PHACTR2: variants seen among roughly 807,000 people sequenced by gnomAD.
The protein encoded by PHACTR2 is chromosome 6 open reading frame 56.
Under a neutral mutation model 76.0 loss-of-function variants are expected in PHACTR2, and 30 were observed. That is an observed-to-expected ratio of 0.39 (90% CI 0.30 to 0.54). The LOEUF (loss-of-function observed/expected upper bound fraction) is 0.54. Among genes scored for constraint, PHACTR2 ranks in the 20% least tolerant of loss-of-function variants. The pLI, the probability that PHACTR2 is intolerant of heterozygous loss-of-function variation, is 0.61. For synonymous variants in PHACTR2, 292 were observed against 292.5 expected, an observed-to-expected ratio of 1.00 and a Z score of 0.02; for missense variants, 696 against 781.1, an observed-to-expected ratio of 0.89 and a Z score of 1.30.
Position 143,659,295 on chromosome 6 carries a change from A to G in PHACTR2, c.13+50973A>G, listed in dbSNP as rs9390126. Among the ~76,000 whole-genome samples, 25,784 of 152,140 alleles carry G rather than the reference A, an allele frequency of 0.17. 2,344 individuals carry two copies. Among genetic ancestry groups the G allele is most frequent in the East Asian group, 0.35 (1,802 of 5,176 alleles). On this transcript the variant is annotated intron_variant, in intron 1 of 11. Coordinates refer to the PHACTR2 transcript ENST00000305766. The surrounding 1 kb of genome is among the most constrained non-coding windows in gnomAD (Gnocchi z 5.0). Reference sequence around the variant, plus strand: ...TTTATAAACTTTAAAAATTTTTTAAACTTTTTTACTGTTTTGTAGCAACAC... The same window carrying G: ...TTTATAAACTTTAAAAATTTTTTAAGCTTTTTTACTGTTTTGTAGCAACAC...
chr6:143,625,529 C>T lies in PHACTR2; in HGVS notation c.13+17207C>T, dbSNP rs150147067. Among the ~76,000 whole-genome samples, 1,088 of 152,234 alleles carry T rather than the reference C, an allele frequency of 7.1e-3. 12 individuals carry two copies. The highest frequency in any genetic ancestry group is 0.024 in the African/African-American group (1,010 of 41,524). On this transcript the variant is annotated intron_variant, in intron 1 of 11. Transcript: ENST00000305766. The surrounding 1 kb of genome is among the most constrained non-coding windows in gnomAD (Gnocchi z 4.3). ...TAACTTATCGAATAGGTAATTGCTG[C>T]ATATTGATTTCCATTTCCCCTTGTG...
At chr6:143,771,719 G>A (rs995112145) in intron 6 of PHACTR2, among the ~76,000 whole-genome samples, 22 of 152,112 alleles carry the variant, frequency 1.4e-4, no homozygotes, top group Non-Finnish European at 2.5e-4. Flanking sequence ...TTACAGGTGT[G>A]AGCCACCGAA....
chr6:143,756,592 G>A (rs1009199341), intron 4 of PHACTR2, among the ~76,000 whole-genome samples: 14 of 146,260 alleles, frequency 9.6e-5, no homozygotes, highest in African/African-American at 2.8e-4. Context: ...CCAGCTACTC[G>A]GGAGGCTGAG....
intron 3 of PHACTR2, among the ~76,000 whole-genome samples, chr6:143,752,671 G>A (rs1475963424): frequency 3.9e-5 from 6 of 152,080 alleles, no homozygotes; most frequent in Non-Finnish European, 8.8e-5. Flanking sequence ...GAAGGCAAAT[G>A]GATTTTATTG....
chr6:143,748,651 T>C (rs1779120620), intron 2 of PHACTR2, among the ~76,000 whole-genome samples: 2 of 152,248 alleles, frequency 1.3e-5, no homozygotes, highest in African/African-American at 4.8e-5. Context: ...CATAGAATTA[T>C]ATGTTTTAGA....
chr6:143,607,568 T>C (rs896652591), upstream of PHACTR2, among the ~76,000 whole-genome samples: 9 of 145,060 alleles, frequency 6.2e-5, no homozygotes, highest in Non-Finnish European at 1.2e-4. Context: ...TGACATTCGG[T>C]GAAAATATTT....
chr6:143,575,241 A>T (rs1443917827), intron 1 of PHACTR2, among the ~76,000 whole-genome samples: 19 of 152,322 alleles, frequency 1.2e-4, no homozygotes. Context: ...TCCGTGGTTC[A>T]TAGTTCGATG....
intron 1 of PHACTR2, among the ~76,000 whole-genome samples, chr6:143,590,483 C>T (rs182800696): frequency 5.9e-5 from 9 of 151,920 alleles, no homozygotes; most frequent in East Asian, 1.9e-4. Context: ...CATTTCACCT[C>T]CTCCATGCTG....
At position 143,578,107 on chromosome 6, in the gene PHACTR2, A is replaced by G. The variant is rs1216014494; in HGVS notation, c.217+40900A>G. Reference sequence around the variant, plus strand: ...CCCTCTCATGGATTAAATCAGCCATAGTCCAAATGCAAAGAGGGAAGGAGC... The same window carrying G: ...CCCTCTCATGGATTAAATCAGCCATGGTCCAAATGCAAAGAGGGAAGGAGC... On this transcript the variant is annotated intron_variant, in intron 1 of 11. Transcript: ENST00000367584. This position sits in a 1 kb window ranked among gnomAD's most constrained non-coding sequence, Gnocchi z 4.5. Among the ~76,000 whole-genome samples, 4 of 152,208 alleles carry G rather than the reference A, an allele frequency of 2.6e-5. No homozygotes were observed. Among genetic ancestry groups the G allele is most frequent in the South Asian group, 2.1e-4 (1 of 4,830 alleles).
intron 2 of PHACTR2, among the ~76,000 whole-genome samples, chr6:143,736,869 C>T (rs924852116): frequency 1.3e-5 from 2 of 151,710 alleles, no homozygotes; most frequent in African/African-American, 2.4e-5. Context: ...CCAACACGTC[C>T]GGCCTACAAG....
rs1249372655 is a variant in PHACTR2, at chr6:143,625,651, T to G, written c.13+17329T>G. Among the ~76,000 whole-genome samples, 2 of 152,196 alleles carry G rather than the reference T, an allele frequency of 1.3e-5. No individual in the cohort carries two copies. The highest frequency in any genetic ancestry group is 1.5e-5 in the Non-Finnish European group (1 of 68,006). On this transcript the variant is annotated intron_variant, in intron 1 of 11. Transcript: ENST00000305766. This position sits in a 1 kb window ranked among gnomAD's most constrained non-coding sequence, Gnocchi z 4.3. ...GAAGCTTATTAGTTCTTATTTTCTT[T>G]GTTTATCATAATTTTAGAATATAAT...
rs1779319159 is a variant in PHACTR2, at chr6:143,757,123, G to A, written c.454+3211G>A. Reference sequence around the variant, plus strand: ...TCTTGCTTGACATTATTTTTATTAAGTTATTATTTTAAAATCTTCAATGAA... The same window carrying A: ...TCTTGCTTGACATTATTTTTATTAAATTATTATTTTAAAATCTTCAATGAA... On this transcript the variant is annotated intron_variant, in intron 4 of 12. Transcript: ENST00000440869. The surrounding 1 kb of genome is among the most constrained non-coding windows in gnomAD (Gnocchi z 4.2). Among the ~76,000 whole-genome samples, 1 of 152,202 alleles carries A rather than the reference G, an allele frequency of 6.6e-6. No individual in the cohort carries two copies. The highest frequency in any genetic ancestry group is 2.1e-4 in the South Asian group (1 of 4,824).
Position 143,537,651 on chromosome 6 carries a change from C to G in PHACTR2, c.217+444C>G, listed in dbSNP as rs921080688. On this transcript the variant is annotated intron_variant, in intron 1 of 11. Coordinates refer to the PHACTR2 transcript ENST00000367584. The surrounding 1 kb of genome is among the most constrained non-coding windows in gnomAD (Gnocchi z 4.4). The stretch of plus-strand genomic sequence containing the variant: ...GGGCAGGTCTTGGGAGGCTTCCCAA[C>G]TAACTGCTTATGGTTCTGAAATAAA... 4.0e-4 allele frequency among the ~76,000 whole-genome samples: 61 copies of G among 152,320 alleles called. No individual in the cohort carries two copies. The highest frequency in any genetic ancestry group is 6.8e-3 in the Middle Eastern group (2 of 294).
Position 143,654,677 on chromosome 6 carries a change from G to A in PHACTR2, c.13+46355G>A, listed in dbSNP as rs759272497. On this transcript the variant is annotated intron_variant, in intron 1 of 11. Transcript: ENST00000305766. This position sits in a 1 kb window ranked among gnomAD's most constrained non-coding sequence, Gnocchi z 4.6. ...AAATTAGCCAAGCATGGTGGTGCAC[G>A]CCTGTAGTCCTAGTGACTTGGGAGG... Among the ~76,000 whole-genome samples the A allele has an allele frequency of 1.3e-5, 2 of 152,002 alleles. No homozygotes were observed. Among genetic ancestry groups the A allele is most frequent in the African/African-American group, 2.4e-5 (1 of 41,368 alleles).
rs1043133909 is a variant in PHACTR2, at chr6:143,775,188, G to C, written c.1589+973G>C. Among the ~76,000 whole-genome samples, 2 of 152,156 alleles carry C rather than the reference G, an allele frequency of 1.3e-5. No homozygotes were observed. Among genetic ancestry groups the C allele is most frequent in the Non-Finnish European group, 2.9e-5 (2 of 68,038 alleles). On this transcript the variant is annotated intron_variant, in intron 8 of 12. Coordinates refer to ENST00000440869, the MANE Select transcript of PHACTR2 (RefSeq NM_001100164.2). The surrounding 1 kb of genome is among the most constrained non-coding windows in gnomAD (Gnocchi z 4.4). ...CACCTCCTTACAGCTGAGTTGTGCA[G>C]AAAGGTGTCAGAGACAGCAGCTGTG...
chr6:143,792,712 T>A (rs1482345031), intron 11 of PHACTR2, among the ~76,000 whole-genome samples: 1 of 152,126 alleles, frequency 6.6e-6, no homozygotes, highest in African/African-American at 2.4e-5. Flanking sequence ...TAAGGAAGGC[T>A]CAGAGACTGG....
intron 11 of PHACTR2, among the ~76,000 whole-genome samples, chr6:143,798,741 T>A (rs1775887124): frequency 6.6e-6 from 1 of 152,244 alleles, no homozygotes; most frequent in Admixed American, 6.5e-5. Context: ...GAAGCTGACT[T>A]GATCATGGTG....
chr6:143,737,196 A>T (rs1334480995), intron 2 of PHACTR2, among the ~76,000 whole-genome samples: 4 of 151,578 alleles, frequency 2.6e-5, no homozygotes, highest in Non-Finnish European at 4.4e-5. Flanking sequence ...GGACAAGAAT[A>T]CTTCTACACA....
intron 2 of PHACTR2, among the ~76,000 whole-genome samples, chr6:143,724,321 A>C (rs1290913041): frequency 6.6e-6 from 1 of 151,734 alleles, no homozygotes; most frequent in Non-Finnish European, 1.5e-5. Flanking sequence ...TTTAGTAGAG[A>C]CGGGGTTTCA....
Sources: gnomAD v4.1 joint callset for allele counts (sites outside exome capture counted in the v4.1 genomes callset) on GRCh38, gnomAD v4.1.1 for gene constraint, Gnocchi (gnomAD v3.1) non-coding constraint, MANE v1.5 for transcripts, NCBI Gene and HGNC (gene_info 2026-07-23, HGNC 2026-07-21) for gene names.